PNPT1: variants seen among roughly 807,000 people sequenced by gnomAD.
The protein encoded by PNPT1 is polyribonucleotide nucleotidyltransferase 1, mitochondrial.
A neutral mutation model predicts 119.5 loss-of-function variants in PNPT1; 53 were observed. The observed-to-expected ratio is 0.44, with a 90% CI of 0.36 to 0.56. The LOEUF (loss-of-function observed/expected upper bound fraction) is 0.56. Ranked by LOEUF, PNPT1 falls within the 20% of genes least tolerant of loss-of-function variation. PNPT1 has a pLI of 0.00. For synonymous variants in PNPT1, 357 were observed against 322.1 expected, an observed-to-expected ratio of 1.11 and a Z score of -1.16; for missense variants, 948 against 938.5, an observed-to-expected ratio of 1.01 and a Z score of -0.13.
At position 55,680,900 on chromosome 2, in the gene PNPT1, C is replaced by A. The variant is rs766919363; in HGVS notation, c.472G>T (p.Ala158Ser). ...YDTQVLCNLL[A>S]VDGVNEPDVL... ...TCAGGCTCATTTACACCATCTACTG[C>A]TAACAGATTACACAGAACCTGGTAA... is the stretch of plus-strand genomic sequence containing the variant. The change falls in exon 6 of 28, where the codon GCA (alanine) becomes TCA (serine). Residue 158 changes from alanine (A) to serine (S), a missense_variant. Coordinates refer to ENST00000447944, the MANE Select transcript of PNPT1 (RefSeq NM_033109.5). 23 of 1,613,806 alleles carry A rather than the reference C, an allele frequency of 1.4e-5. No homozygotes were observed. The highest frequency in any genetic ancestry group is 1.6e-4 in the Middle Eastern group (1 of 6,072).
At chr2:55,671,413 T>G in intron 10 of PNPT1, 37 bp from the exon 11 acceptor site, 2 of 1,227,662 alleles carry the variant, frequency 1.6e-6, no homozygotes, top group Non-Finnish European at 2.3e-6. Context: ...TACATATACA[T>G]GACAACATTT....
In PNPT1 at chr2:55,645,278, C is replaced by G. The variant is rs780856415; in HGVS notation, c.1822+71G>C. The G allele has an allele frequency of 6.0e-5, 61 of 1,014,736 alleles. No homozygotes were observed. The Admixed American group carries it at 1.2e-3, about 20-fold the overall frequency. 62.9% of individuals were successfully genotyped at this position (1,014,736 alleles called of 1,614,324 possible). A position where few individuals can be genotyped will look rare whatever the true frequency, so the allele number is the denominator to read the frequency against. The stretch of plus-strand genomic sequence containing the variant: ...TGACCTTGTGATCCGCTCGCCTCGG[C>G]CTCCCAAAGTGCTGGGATTACAGGC... On this transcript the variant is annotated intron_variant, in intron 22 of 27. Transcript: ENST00000447944.
intron 26 of PNPT1, 29 bp from the exon 27 acceptor site, chr2:55,637,628 T>C: frequency 6.5e-7 from 1 of 1,540,260 alleles, no homozygotes. Flanking sequence ...ATCTATTAGT[T>C]GTTGTGCATA....
chr2:55,645,560 T>C, intron 21 of PNPT1, 128 bp from the exon 22 acceptor site: 2 of 575,636 alleles, frequency 3.5e-6, no homozygotes, highest in Non-Finnish European at 3.0e-6. Context: ...CACATCCCTA[T>C]TACCTTGAAA....
At chr2:55,683,636 T>C (rs1302786665) in intron 5 of PNPT1, 149 bp downstream of exon 5, 2 of 595,554 alleles carry the variant, frequency 3.4e-6, no homozygotes, top group Non-Finnish European at 5.5e-6. Context: ...AAAAAAGTAC[T>C]ATCTTTTTTC....
Position 55,687,716 on chromosome 2 carries a change from A to T in PNPT1, c.162-11T>A. On this transcript the variant is annotated splice_polypyrimidine_tract_variant and intron_variant, in intron 1 of 27. Transcript: ENST00000447944. ...GATATTTCTAATTTCCTGTTTAAAAATAAAAATGCAATACAAGAAGACTTA... is the reference window on the plus strand; with the variant it reads ...GATATTTCTAATTTCCTGTTTAAAATTAAAAATGCAATACAAGAAGACTTA... The T allele has an allele frequency of 6.3e-7, 1 of 1,589,288 alleles. No homozygotes were observed. The highest frequency in any genetic ancestry group is 8.6e-7 in the Non-Finnish European group (1 of 1,167,090).
rs543546575 is a variant in PNPT1, at chr2:55,656,549, T to C, written c.1285-178A>G. ...ATATAAATTTAACATACATACCAAA[T>C]GGTTAAAAGTAGCTATTTCAAGTGT... On this transcript the variant is annotated intron_variant, in intron 15 of 27. Transcript: ENST00000447944. Among the ~76,000 whole-genome samples, 183 of 152,270 alleles carry C rather than the reference T, an allele frequency of 1.2e-3. 1 individual carries two copies. Among genetic ancestry groups the C allele is most frequent in the African/African-American group, 4.4e-3 (182 of 41,566 alleles).
intron 23 of PNPT1, among the ~76,000 whole-genome samples, chr2:55,644,304 T>G (rs1695922030): frequency 6.6e-6 from 1 of 152,120 alleles, no homozygotes. Context: ...TAAAACTAAG[T>G]GAAAGTAGCA....
intron 12 of PNPT1, among the ~76,000 whole-genome samples, 194 bp from the exon 13 acceptor site, chr2:55,667,287 T>C (rs756732835): frequency 2.6e-5 from 4 of 152,186 alleles, no homozygotes; most frequent in African/African-American, 9.7e-5. Flanking sequence ...CCTATATTCC[T>C]GTGTTGTTAA....
intron 13 of PNPT1, among the ~76,000 whole-genome samples, chr2:55,666,543 T>TA: frequency 6.6e-6 from 1 of 152,176 alleles, no homozygotes; most frequent in East Asian, 1.9e-4. Flanking sequence ...TAAAATTACA[T>TA]AAAAAACACA....
chr2:55,672,851 C>G (rs1216822167), intron 9 of PNPT1, 42 bp downstream of exon 9: 2 of 1,524,918 alleles, frequency 1.3e-6, no homozygotes, highest in South Asian at 1.3e-5. Flanking sequence ...GAAATTAAAT[C>G]TGATGACAAT....
chr2:55,641,093 G>A lies in PNPT1; in HGVS notation c.2070-388C>T, dbSNP rs539891594. Among the ~76,000 whole-genome samples the A allele has an allele frequency of 6.4e-4, 97 of 151,810 alleles. 1 individual carries two copies. The East Asian group carries it at 7.8e-3, about 12-fold the overall frequency. On this transcript the variant is annotated intron_variant, in intron 25 of 27. Coordinates refer to ENST00000447944, the MANE Select transcript of PNPT1 (RefSeq NM_033109.5). ...ATAAAAATTAGCTGGGCCTGGTGGC[G>A]CGCACCTGTAATCCCAGCTACTCAG...
intron 19 of PNPT1, among the ~76,000 whole-genome samples, chr2:55,646,928 T>C (rs1279736477): frequency 6.6e-6 from 1 of 152,168 alleles, no homozygotes; most frequent in Non-Finnish European, 1.5e-5. Flanking sequence ...AACCTCTGCC[T>C]CCCGGGTTCA....
At chr2:55,686,575 T>C (rs1336623740) in intron 2 of PNPT1, 131 bp from the exon 3 acceptor site, 2 of 653,098 alleles carry the variant, frequency 3.1e-6, no homozygotes, top group East Asian at 2.9e-5. Context: ...GATTATGAAA[T>C]AAAAAATATT....
chr2:55,646,569 A>C (rs1458913261), intron 19 of PNPT1, 83 bp from the exon 20 acceptor site: 14 of 1,081,546 alleles, frequency 1.3e-5, no homozygotes, highest in Non-Finnish European at 1.2e-5. Context: ...TTCAAAAAAC[A>C]GCTTTAGAAG....
intron 25 of PNPT1, among the ~76,000 whole-genome samples, chr2:55,642,221 A>T (rs1026653312): frequency 1.3e-5 from 2 of 152,176 alleles, no homozygotes; most frequent in Non-Finnish European, 2.9e-5. Flanking sequence ...AAAGAAATAA[A>T]GAAATATTGC....
chr2:55,662,441 C>A (rs993404706), intron 13 of PNPT1, among the ~76,000 whole-genome samples: 2 of 152,160 alleles, frequency 1.3e-5, no homozygotes, highest in South Asian at 2.1e-4. Flanking sequence ...CTTTGGGAGG[C>A]TGAGGCGGGC....
At chr2:55,654,534 A>G (rs1028711200) in intron 18 of PNPT1, among the ~76,000 whole-genome samples, 3 of 152,314 alleles carry the variant, frequency 2.0e-5, no homozygotes, top group South Asian at 2.1e-4. Flanking sequence ...CTGGGTCACC[A>G]ATGCAAATAA....
chr2:55,641,055 C>G (rs1453706679), intron 25 of PNPT1, among the ~76,000 whole-genome samples: 1 of 151,928 alleles, frequency 6.6e-6, no homozygotes, highest in African/African-American at 2.4e-5. Context: ...GAAACCCCGT[C>G]TCTACTAAAA....
Sources: allele counts gnomAD v4.1 joint callset (sites outside exome capture counted in the v4.1 genomes callset), GRCh38; gene constraint gnomAD v4.1.1; transcripts MANE v1.5; gene names NCBI Gene and HGNC (gene_info 2026-07-23, HGNC 2026-07-21).